ACER3: variants seen among roughly 807,000 people sequenced by gnomAD.
The protein encoded by ACER3 is alkaline ceramidase 3.
Under a neutral mutation model 48.9 loss-of-function variants are expected in ACER3, and 16 were observed. That is an observed-to-expected ratio of 0.33 (90% CI 0.22 to 0.50). The LOEUF (loss-of-function observed/expected upper bound fraction) is 0.50. Among genes scored for constraint, ACER3 ranks in the 20% least tolerant of loss-of-function variants. ACER3 has a pLI of 0.98. For synonymous variants in ACER3, 109 were observed against 107.8 expected (o/e 1.01, Z -0.07); for missense variants, 227 against 326.0 (o/e 0.70, Z 2.34).
At chr11:76,924,658 C>CAAA (rs1458585301) in intron 1 of ACER3, among the ~76,000 whole-genome samples, 2 of 151,920 alleles carry the variant, frequency 1.3e-5, no homozygotes, top group Non-Finnish European at 1.5e-5. Context: ...CCCTGCTTTC[C>CAAA]CCACTATATT....
chr11:76,994,320 G>C, intron 6 of ACER3: 1 of 372,152 alleles, frequency 2.7e-6, no homozygotes, highest in Non-Finnish European at 5.3e-6. Context: ...AGTAGAAACG[G>C]GGTATCGCCA....
chr11:76,872,363 A>C (rs765339279), intron 1 of ACER3, among the ~76,000 whole-genome samples: 4 of 152,150 alleles, frequency 2.6e-5, no homozygotes, highest in Non-Finnish European at 5.9e-5. Context: ...GGCGTGAGCC[A>C]CCACACCCAG....
rs1310901516 is a variant in ACER3 at position 77,025,861 on chromosome 11, C to T, written c.*5534C>T. The T allele has an allele frequency of 1.3e-5, 2 of 152,238 alleles. No homozygotes were observed. The highest frequency in any genetic ancestry group is 4.8e-5 in the African/African-American group (2 of 41,462). 9.4% of individuals were successfully genotyped at this position (152,238 alleles called of 1,614,324 possible). A position where few individuals can be genotyped will look rare whatever the true frequency, so the allele number is the denominator to read the frequency against. On this transcript the variant is annotated 3_prime_UTR_variant, in exon 11 of 11. Coordinates refer to ENST00000532485, the MANE Select transcript of ACER3 (RefSeq NM_018367.7). ...GGTACAGTGGTACAGTACAGTGGTA[C>T]TGCCCAACTGCACTTCTCTGCAAGG...
At chr11:76,982,575 G>C (rs1479046862) in intron 4 of ACER3, among the ~76,000 whole-genome samples, 1 of 151,814 alleles carries the variant, frequency 6.6e-6, no homozygotes, top group Non-Finnish European at 1.5e-5. Flanking sequence ...ATCTATTTTG[G>C]GTTCAAGTCC....
chr11:76,917,677 G>A (rs1186453522), intron 1 of ACER3, among the ~76,000 whole-genome samples: 1 of 151,836 alleles, frequency 6.6e-6, no homozygotes, highest in Non-Finnish European at 1.5e-5. Flanking sequence ...AACAACATAG[G>A]GATACCTTGT....
chr11:76,934,707 G>A (rs549283410), intron 2 of ACER3, among the ~76,000 whole-genome samples: 1 of 125,290 alleles, frequency 8.0e-6, no homozygotes, highest in East Asian at 1.9e-4. Flanking sequence ...GTGGGGAGAC[G>A]GGAGAGGGAG....
rs1296751720 is a variant in ACER3 at position 77,020,580 on chromosome 11, T to C, written c.*253T>C. 4.6e-6 allele frequency: 2 copies of C among 432,470 alleles called. No homozygotes were observed. Among genetic ancestry groups the C allele is most frequent in the Non-Finnish European group, 4.2e-6 (1 of 239,790 alleles). The allele number at this position is 432,470 out of a possible 1,614,324, so 26.8% of individuals were successfully genotyped here. ...TATAAAGAAACAGAGATGATGTGTG[T>C]GTATGCCTCAAATGCAGAAACAGTT... On this transcript the variant is annotated 3_prime_UTR_variant, in exon 11 of 11. Transcript: ENST00000532485.
At chr11:76,988,576 A>G (rs571708032) in intron 5 of ACER3, among the ~76,000 whole-genome samples, 62 of 152,298 alleles carry the variant, frequency 4.1e-4, no homozygotes, top group African/African-American at 1.4e-3. Context: ...TGAGAAAAGC[A>G]TGAGGGAACC....
chr11:77,016,177 G>A (rs951154544), intron 8 of ACER3, among the ~76,000 whole-genome samples: 4 of 151,330 alleles, frequency 2.6e-5, no homozygotes, highest in African/African-American at 9.7e-5. Flanking sequence ...TAGATTAAGA[G>A]CCTTAGATAT....
At chr11:76,912,497 A>G (rs11237008) in intron 1 of ACER3, among the ~76,000 whole-genome samples, 1,646 of 152,284 alleles carry the variant, frequency 0.011, 36 homozygotes, top group African/African-American at 0.037. Flanking sequence ...CTATCTGCCA[A>G]TAAGGGATTA....
intron 1 of ACER3, among the ~76,000 whole-genome samples, chr11:76,905,264 T>TA (rs959677342): frequency 1.6e-4 from 25 of 152,190 alleles, no homozygotes; most frequent in Admixed American, 3.9e-4. Flanking sequence ...ACCTTTAAAT[T>TA]AAAAAAAATT....
At chr11:77,013,910 T>C (rs376355414) in intron 7 of ACER3, among the ~76,000 whole-genome samples, 4 of 152,098 alleles carry the variant, frequency 2.6e-5, no homozygotes, top group African/African-American at 9.7e-5. Flanking sequence ...ATTGATAACA[T>C]AGTAACATAG....
At chr11:76,975,077 C>G (rs1365379962) in intron 3 of ACER3, among the ~76,000 whole-genome samples, 1 of 152,220 alleles carries the variant, frequency 6.6e-6, no homozygotes, top group African/African-American at 2.4e-5. Flanking sequence ...TTTACATAAG[C>G]TCTCTTCCTA....
intron 2 of ACER3, among the ~76,000 whole-genome samples, chr11:76,947,719 G>A (rs1018809314): frequency 2.0e-5 from 3 of 152,062 alleles, no homozygotes; most frequent in African/African-American, 7.2e-5. Flanking sequence ...TAGTAACATT[G>A]AAGAAAAATG....
chr11:76,877,343 A>G (rs1945407282), intron 1 of ACER3, among the ~76,000 whole-genome samples: 1 of 152,168 alleles, frequency 6.6e-6, no homozygotes, highest in Admixed American at 6.5e-5. Flanking sequence ...CAGAACTCCA[A>G]AACTATGCAT....
At chr11:76,999,057 A>G (rs1428882587) in intron 7 of ACER3, among the ~76,000 whole-genome samples, 1 of 152,156 alleles carries the variant, frequency 6.6e-6, no homozygotes, top group East Asian at 1.9e-4. Flanking sequence ...AAAATTAAAG[A>G]GAGCTGTCGA....
intron 3 of ACER3, among the ~76,000 whole-genome samples, chr11:76,971,307 C>T (rs929922035): frequency 9.2e-5 from 14 of 151,922 alleles, no homozygotes; most frequent in Non-Finnish European, 1.9e-4. Flanking sequence ...TTTGGGAGGC[C>T]GAGGTGGGTG....
At chr11:76,879,940 C>G (rs1248937801) in intron 1 of ACER3, among the ~76,000 whole-genome samples, 1 of 151,998 alleles carries the variant, frequency 6.6e-6, no homozygotes, top group East Asian at 1.9e-4. Flanking sequence ...GAAATTTGTT[C>G]ATTTCCTCTA....
At chr11:76,942,481 T>A (rs894729988) in intron 2 of ACER3, among the ~76,000 whole-genome samples, 2 of 152,052 alleles carry the variant, frequency 1.3e-5, no homozygotes, top group Admixed American at 6.6e-5. Flanking sequence ...TTTGCATATG[T>A]TGATTTTTGT....
Sources: gnomAD v4.1 joint callset for allele counts (sites outside exome capture counted in the v4.1 genomes callset) on GRCh38, gnomAD v4.1.1 for gene constraint, MANE v1.5 for transcripts, NCBI Gene and HGNC (gene_info 2026-07-23, HGNC 2026-07-21) for gene names.